The following ADGRE2 variants were observed in gnomAD, a reference collection of about 807,000 sequenced individuals.
ADGRE2 encodes adhesion G protein-coupled receptor E2.
ADGRE2 carries 83 observed loss-of-function variants against 100.8 expected under a neutral mutation model. That is an observed-to-expected ratio of 0.82 (90% CI 0.69 to 0.99). The LOEUF (loss-of-function observed/expected upper bound fraction) is 0.99. Among genes scored for constraint, ADGRE2 ranks in the 50% least tolerant of loss-of-function variants. ADGRE2 has a pLI of 0.00. For missense variants in ADGRE2, 814 were observed against 1,035.7 expected (o/e 0.79, Z 2.94); for synonymous variants, 355 against 413.0 (o/e 0.86, Z 1.70).
intron 20 of ADGRE2, among the ~76,000 whole-genome samples, chr19:14,740,006 C>T (rs2042879123): frequency 6.6e-6 from 1 of 151,686 alleles, no homozygotes; most frequent in African/African-American, 2.4e-5. Flanking sequence ...GAGGCTGAGG[C>T]ACGAGAATCA....
At chr19:14,756,843 A>C (rs1364647236) in intron 11 of ADGRE2, among the ~76,000 whole-genome samples, 3 of 152,200 alleles carry the variant, frequency 2.0e-5, no homozygotes, top group Admixed American at 6.5e-5. Context: ...TAGATGCAAA[A>C]ATTTTCAGCA....
rs1354984349 is a variant in ADGRE2 at position 14,776,716 on chromosome 19, A to G, written c.31+10T>C. ...CGCTACCACCCCCAGCGGGGCCCCA[A>G]AGTACTTACCGAGAAAGACGAGAAA... On this transcript the variant is annotated intron_variant, in intron 2 of 20. Coordinates refer to ENST00000315576, the MANE Select transcript of ADGRE2 (RefSeq NM_013447.4). 13 of 1,612,494 alleles carry G rather than the reference A, an allele frequency of 8.1e-6. No homozygotes were observed. The highest frequency in any genetic ancestry group is 1.1e-5 in the Non-Finnish European group (13 of 1,179,370).
At chr19:14,731,363 T>C (rs939631451), downstream of ADGRE2, 20 of 630,908 alleles carry the variant, frequency 3.2e-5, 1 homozygote, top group South Asian at 2.1e-4. Flanking sequence ...CCGGGCTCCT[T>C]AACTTCCGGC....
Position 14,754,936 on chromosome 19 carries a change from C to A in ADGRE2, c.1590+18G>T. 6.2e-7 allele frequency: 1 copy of A among 1,609,712 alleles called. No individual in the cohort carries two copies. Among genetic ancestry groups the A allele is most frequent in the East Asian group, 2.2e-5 (1 of 44,792 alleles). On this transcript the variant is annotated intron_variant, in intron 14 of 20. Transcript: ENST00000315576. Reference sequence around the variant, plus strand: ...CACGGCAATAAATGCAGAGTGCATCCCCTCCTAAGGGTCTCACCTGCACAT... The same window carrying A: ...CACGGCAATAAATGCAGAGTGCATCACCTCCTAAGGGTCTCACCTGCACAT...
chr19:14,727,147 C>T, the ADGRE2 span, among the ~76,000 whole-genome samples: 1 of 151,328 alleles, frequency 6.6e-6, no homozygotes, highest in Non-Finnish European at 1.5e-5. Context: ...CTCACTTCAG[C>T]CTCCTGAGCA....
Position 14,755,096 on chromosome 19 carries a change from A to T in ADGRE2, c.1448T>A (p.Val483Asp). Residue 483 changes from valine to aspartate, a missense_variant, in exon 14 of 21, where the codon GTC (valine) becomes GAC (aspartate). This residue lies in a region of ADGRE2 where 569 missense variants were observed against 692.7 expected (regional missense o/e 0.82). Transcript: ENST00000315576. ...TCCATTCTGGCCATGCTCCCAGAAGACACAGAGCACCTTCTGTCTCGGGAT... is the reference window on the plus strand; with the variant it reads ...TCCATTCTGGCCATGCTCCCAGAAGTCACAGAGCACCTTCTGTCTCGGGAT... Reference protein sequence around the residue: ...SVIPRQKVLCVFWEHGQNGCG... With the variant: ...SVIPRQKVLCDFWEHGQNGCG... 6.2e-7 allele frequency: 1 copy of T among 1,613,992 alleles called. No individual in the cohort carries two copies. The highest frequency in any genetic ancestry group is 1.1e-5 in the South Asian group (1 of 91,066).
chr19:14,773,099 C>CAAAAAAAAAAAAAAAAAAA (rs1231448957), intron 4 of ADGRE2, among the ~76,000 whole-genome samples: 3 of 72,086 alleles, frequency 4.2e-5, no homozygotes, highest in Non-Finnish European at 8.0e-5. Context: ...AAAAAAAAAA[C>CAAAAAAAAAAAAAAAAAAA]AAAAAAAAAA....
chr19:14,737,611 T>C (rs945008160), intron 20 of ADGRE2, among the ~76,000 whole-genome samples: 2 of 152,124 alleles, frequency 1.3e-5, no homozygotes, highest in Non-Finnish European at 2.9e-5. Context: ...CCCATCTTTG[T>C]ATGCCTCCTA....
chr19:14,758,083 T>A (rs1469458089), intron 11 of ADGRE2, among the ~76,000 whole-genome samples: 1 of 152,238 alleles, frequency 6.6e-6, no homozygotes, highest in African/African-American at 2.4e-5. Context: ...AGTGCTGGGA[T>A]TACAGGCGTG....
chr19:14,759,560 G>A (rs1310715875), intron 11 of ADGRE2, among the ~76,000 whole-genome samples: 15 of 142,868 alleles, frequency 1.0e-4, no homozygotes, highest in Admixed American at 6.3e-4. Flanking sequence ...GCAGTGGCAC[G>A]ATCTCAGCTC....
At chr19:14,766,128 A>C in intron 7 of ADGRE2, 107 bp downstream of exon 7, 1 of 1,564,044 alleles carries the variant, frequency 6.4e-7, no homozygotes, top group Non-Finnish European at 8.7e-7. Flanking sequence ...AACGCCTGAC[A>C]CAGTCGGGCG....
chr19:14,745,954 C>A (rs2043073274), intron 18 of ADGRE2, among the ~76,000 whole-genome samples: 1 of 152,120 alleles, frequency 6.6e-6, no homozygotes, highest in African/African-American at 2.4e-5. Context: ...CGAATCGTAT[C>A]CTATTTTGTA....
intron 16 of ADGRE2, among the ~76,000 whole-genome samples, chr19:14,748,104 T>C (rs1599805393): frequency 6.6e-6 from 1 of 152,094 alleles, no homozygotes; most frequent in South Asian, 2.1e-4. Context: ...ACTCTATAGG[T>C]CGTTTATTTA....
chr19:14,770,677 T>TC (rs2044169171), intron 5 of ADGRE2, among the ~76,000 whole-genome samples: 2 of 120,780 alleles, frequency 1.7e-5, no homozygotes, highest in African/African-American at 6.3e-5. Flanking sequence ...TTCTTTTTTT[T>TC]TTTTTTTTTT....
the ADGRE2 span, among the ~76,000 whole-genome samples, chr19:14,725,203 T>A: frequency 6.6e-6 from 1 of 152,102 alleles, no homozygotes; most frequent in Non-Finnish European, 1.5e-5. Context: ...AGATCTCGCA[T>A]GAACTACTAG....
At chr19:14,727,942 G>T (rs2042643607), downstream of ADGRE2, among the ~76,000 whole-genome samples, 1 of 152,158 alleles carries the variant, frequency 6.6e-6, no homozygotes, top group South Asian at 2.1e-4. Flanking sequence ...AATATATTTG[G>T]CCAGGTGCGG....
At chr19:14,773,636 T>C (rs2044306695) in intron 4 of ADGRE2, among the ~76,000 whole-genome samples, 1 of 152,016 alleles carries the variant, frequency 6.6e-6, no homozygotes, top group Non-Finnish European at 1.5e-5. Flanking sequence ...CTCAGTCTTC[T>C]GAGTAGCTGG....
intron 16 of ADGRE2, among the ~76,000 whole-genome samples, chr19:14,751,088 C>A (rs972724781): frequency 1.3e-5 from 2 of 152,142 alleles, no homozygotes; most frequent in Non-Finnish European, 2.9e-5. Context: ...ACAGGGATTC[C>A]AGGTGCGAGC....
downstream of ADGRE2, among the ~76,000 whole-genome samples, chr19:14,728,477 C>A (rs969438039): frequency 6.6e-6 from 1 of 152,098 alleles, no homozygotes; most frequent in African/African-American, 2.4e-5. Flanking sequence ...TGTTATCTTG[C>A]TAGGATATGT....
Sources: gnomAD v4.1 joint callset for allele counts (sites outside exome capture counted in the v4.1 genomes callset) on GRCh38, gnomAD v4.1.1 for gene constraint, gnomAD v4.1.1 regional missense constraint, MANE v1.5 for transcripts, NCBI Gene and HGNC (gene_info 2026-07-23, HGNC 2026-07-21) for gene names.